NEMP2: variants seen among roughly 807,000 people sequenced by gnomAD.
The protein encoded by NEMP2 is UPF0571 transmembrane protein.
In NEMP2, 53 loss-of-function variants were observed where a neutral mutation model predicts 54.2. The observed-to-expected ratio is 0.98, with a 90% CI of 0.78 to 1.23. The LOEUF (loss-of-function observed/expected upper bound fraction) is 1.23. Among genes scored for constraint, NEMP2 ranks in the 50% most tolerant of loss-of-function variants. NEMP2 has a pLI of 0.00. For synonymous variants in NEMP2, 197 were observed against 190.3 expected, an observed-to-expected ratio of 1.04 and a Z score of -0.29; for missense variants, 455 against 511.3, an observed-to-expected ratio of 0.89 and a Z score of 1.06.
the NEMP2 span, among the ~76,000 whole-genome samples, chr2:190,592,328 T>C: frequency 6.6e-6 from 1 of 152,152 alleles, no homozygotes; most frequent in Non-Finnish European, 1.5e-5. The surrounding 1 kb of genome is among the most constrained non-coding windows in gnomAD (Gnocchi z 4.4). Flanking sequence ...GTTCCATAAA[T>C]GTTGTTCTCC....
chr2:190,445,499 A>ATT, the NEMP2 span, among the ~76,000 whole-genome samples: 66 of 148,206 alleles, frequency 4.5e-4, no homozygotes, highest in East Asian at 1.2e-3. Flanking sequence ...AAGAACACGA[A>ATT]TTTTTTTTTT....
the NEMP2 span, among the ~76,000 whole-genome samples, chr2:190,578,117 G>A: frequency 9.9e-5 from 15 of 152,152 alleles, no homozygotes; most frequent in African/African-American, 3.6e-4. The surrounding 1 kb of genome is among the most constrained non-coding windows in gnomAD (Gnocchi z 4.4). Context: ...TCCTGGGCTT[G>A]TGTAACTTGT....
At chr2:190,603,104 C>T in the NEMP2 span, among the ~76,000 whole-genome samples, 1 of 152,006 alleles carries the variant, frequency 6.6e-6, no homozygotes, top group African/African-American at 2.4e-5. Context: ...AATTTCTGTT[C>T]CTCTGAGCAC....
chr2:190,582,020 A>G, the NEMP2 span, among the ~76,000 whole-genome samples: 1 of 152,194 alleles, frequency 6.6e-6, no homozygotes, highest in African/African-American at 2.4e-5. This position sits in a 1 kb window ranked among gnomAD's most constrained non-coding sequence, Gnocchi z 4.6. Flanking sequence ...CCTATACTTT[A>G]TCAAATGTAA....
chr2:190,499,230 GTTATTC>G, the NEMP2 span, among the ~76,000 whole-genome samples: 4 of 152,190 alleles, frequency 2.6e-5, no homozygotes, highest in Admixed American at 6.5e-5. This position sits in a 1 kb window ranked among gnomAD's most constrained non-coding sequence, Gnocchi z 6.0. Flanking sequence ...GTATGCTGTA[GTTATTC>G]TTAGAAGTCA....
At chr2:190,640,767 C>G in the NEMP2 span, among the ~76,000 whole-genome samples, 1 of 135,248 alleles carries the variant, frequency 7.4e-6, no homozygotes, top group Admixed American at 7.6e-5. Context: ...TTCGCCAACT[C>G]ATCAATATTA....
At chr2:190,641,662 C>T in the NEMP2 span, among the ~76,000 whole-genome samples, 4 of 152,202 alleles carry the variant, frequency 2.6e-5, no homozygotes, top group Admixed American at 6.5e-5. Flanking sequence ...CTACTCTCCA[C>T]CCTGGCTTGT....
the NEMP2 span, among the ~76,000 whole-genome samples, chr2:190,647,916 G>A: frequency 1.3e-5 from 2 of 151,938 alleles, no homozygotes; most frequent in Non-Finnish European, 2.9e-5. Context: ...ATTTCACCAC[G>A]TTAGCCAGGC....
the NEMP2 span, among the ~76,000 whole-genome samples, chr2:190,484,401 A>G: frequency 6.6e-6 from 1 of 152,232 alleles, no homozygotes; most frequent in Non-Finnish European, 1.5e-5. Flanking sequence ...TCTAATAACT[A>G]AGAAAGTAGA....
the NEMP2 span, among the ~76,000 whole-genome samples, chr2:190,462,026 G>A: frequency 1.3e-5 from 2 of 151,890 alleles, no homozygotes; most frequent in South Asian, 2.1e-4. The surrounding 1 kb of genome is among the most constrained non-coding windows in gnomAD (Gnocchi z 5.7). Context: ...CTCACTATAC[G>A]AACTCAAAAT....
At chr2:190,451,913 CTTA>C in the NEMP2 span, among the ~76,000 whole-genome samples, 1 of 152,102 alleles carries the variant, frequency 6.6e-6, no homozygotes, top group African/African-American at 2.4e-5. This position sits in a 1 kb window ranked among gnomAD's most constrained non-coding sequence, Gnocchi z 5.0. Flanking sequence ...CAGAGGATTT[CTTA>C]TTATTATTTA....
At chr2:190,639,137 A>G in the NEMP2 span, among the ~76,000 whole-genome samples, 4 of 152,212 alleles carry the variant, frequency 2.6e-5, no homozygotes, top group Non-Finnish European at 4.4e-5. Flanking sequence ...AGCCAGCTCT[A>G]TATCTATAAA....
the NEMP2 span, among the ~76,000 whole-genome samples, chr2:190,563,243 C>T: frequency 5.3e-5 from 8 of 152,212 alleles, no homozygotes; most frequent in South Asian, 6.2e-4. This position sits in a 1 kb window ranked among gnomAD's most constrained non-coding sequence, Gnocchi z 4.3. Flanking sequence ...TCCTGCTCCC[C>T]GCTGACTCAG....
At position 190,509,787 on chromosome 2, in the gene NEMP2, C is replaced by G. The variant is rs1257491626; in HGVS notation, c.1131-475G>C. 6.6e-6 allele frequency among the ~76,000 whole-genome samples: 1 copy of G among 152,186 alleles called. No homozygotes were observed. Among genetic ancestry groups the G allele is most frequent in the Non-Finnish European group, 1.5e-5 (1 of 68,030 alleles). On this transcript the variant is annotated intron_variant, in intron 8 of 8. Transcript: ENST00000409150. The surrounding 1 kb of genome is among the most constrained non-coding windows in gnomAD (Gnocchi z 6.1). ...GGGTGCGGTGGCTCATGCCTGTAAT[C>G]CCAGCACTTTGGGAGGCCAAGGCAG...
chr2:190,537,916 C>G (rs536750859), upstream of NEMP2, among the ~76,000 whole-genome samples: 3 of 152,286 alleles, frequency 2.0e-5, no homozygotes, highest in Middle Eastern at 3.4e-3. Context: ...TGGGCTGCAC[C>G]TAGGAAACTT....
the NEMP2 span, among the ~76,000 whole-genome samples, chr2:190,475,484 C>G: frequency 6.6e-6 from 1 of 152,032 alleles, no homozygotes; most frequent in African/African-American, 2.4e-5. Context: ...GAATAAAATA[C>G]CTAGGAATCC....
the NEMP2 span, among the ~76,000 whole-genome samples, chr2:190,647,213 T>C: frequency 0.31 from 47,283 of 152,148 alleles, 7,818 homozygotes; most frequent in South Asian, 0.42. Context: ...TCAACTCAAC[T>C]ACTCCAGACA....
At position 190,531,771 on chromosome 2, in the gene NEMP2, T is replaced by G. The variant is rs955021168; in HGVS notation, c.97+2788A>C. 6.6e-6 allele frequency among the ~76,000 whole-genome samples: 1 copy of G among 152,164 alleles called. No individual in the cohort carries two copies. Among genetic ancestry groups the G allele is most frequent in the African/African-American group, 2.4e-5 (1 of 41,424 alleles). ...TTATTAGTTTTCCTAAATGTAAGTA[T>G]ATGTTTAAGTTAAAGAGTTGAGTCA... On this transcript the variant is annotated intron_variant, in intron 1 of 8. Transcript: ENST00000409150. This position sits in a 1 kb window ranked among gnomAD's most constrained non-coding sequence, Gnocchi z 4.7.
chr2:190,532,549 A>T (rs1033929118), intron 1 of NEMP2, among the ~76,000 whole-genome samples: 2 of 152,192 alleles, frequency 1.3e-5, no homozygotes, highest in South Asian at 4.1e-4. Context: ...TCAGACAACT[A>T]CCTGCTCCTC....
Sources: allele counts gnomAD v4.1 joint callset (sites outside exome capture counted in the v4.1 genomes callset), GRCh38; gene constraint gnomAD v4.1.1; non-coding constraint Gnocchi (gnomAD v3.1); transcripts MANE v1.5; gene names NCBI Gene and HGNC (gene_info 2026-07-23, HGNC 2026-07-21).